The following AGBL1 variants were observed in gnomAD, a reference collection of about 807,000 sequenced individuals.
AGBL1 encodes the protein AGBL carboxypeptidase 1.
AGBL1 carries 130 observed loss-of-function variants against 118.9 expected under a neutral mutation model. That is an observed-to-expected ratio of 1.09 (90% CI 0.95 to 1.26). The LOEUF is 1.26. AGBL1 is among the 50% of genes most tolerant of loss of function. AGBL1 has a pLI of 0.00. For missense variants in AGBL1, 1,584 were observed against 1,298.1 expected, an observed-to-expected ratio of 1.22 and a Z score of -3.38; for synonymous variants, 555 against 478.9, an observed-to-expected ratio of 1.16 and a Z score of -2.08.
In AGBL1 at chr15:86,589,014, C is replaced by CAT. The variant is rs201819932; in HGVS notation, c.2994+34490_2994+34491dup. ...TTTATGTGTATCTTTTCAGAATCTTCATATATATATATATGTATATATACA... is the reference window on the plus strand; with the variant it reads ...TTTATGTGTATCTTTTCAGAATCTTCATATATATATATATATGTATATATACA... On this transcript the variant is annotated intron_variant, in intron 21 of 22. Transcript: ENST00000614907. Among the ~76,000 whole-genome samples, 942 of 150,670 alleles carry CAT rather than the reference C, an allele frequency of 6.3e-3. 9 individuals carry two copies. Among genetic ancestry groups the CAT allele is most frequent in the Middle Eastern group, 0.017 (5 of 290 alleles).
intron 16 of AGBL1, among the ~76,000 whole-genome samples, chr15:86,294,805 G>T (rs1332949713): frequency 1.3e-5 from 2 of 152,030 alleles, no homozygotes; most frequent in Non-Finnish European, 2.9e-5. Context: ...TTTCTTACAT[G>T]CATAGATTGA....
chr15:86,754,745 A>C (rs1228408488), intron 22 of AGBL1, among the ~76,000 whole-genome samples: 1 of 152,008 alleles, frequency 6.6e-6, no homozygotes, highest in African/African-American at 2.4e-5. Context: ...TCCCTGCATA[A>C]AGTGGTTTCT....
chr15:86,126,240 A>G (rs148541694), intron 1 of AGBL1, among the ~76,000 whole-genome samples: 16 of 152,340 alleles, frequency 1.1e-4, no homozygotes, highest in Non-Finnish European at 2.2e-4. Context: ...GTGAACTATA[A>G]GAAAGATGAA....
intron 23 of AGBL1, among the ~76,000 whole-genome samples, chr15:86,927,087 C>T (rs145975965): frequency 0.013 from 2,009 of 150,812 alleles, 18 homozygotes; most frequent in Non-Finnish European, 0.022. Context: ...TGCAGTGAGC[C>T]GAGTTCATGC....
At chr15:86,252,687 A>C (rs2078835617) in intron 7 of AGBL1, among the ~76,000 whole-genome samples, 1 of 152,164 alleles carries the variant, frequency 6.6e-6, no homozygotes, top group South Asian at 2.1e-4. Flanking sequence ...TGAAAAGTCT[A>C]AGAGAAACAC....
In AGBL1 at chr15:86,349,820, A is replaced by G. The variant is rs549439146; in HGVS notation, c.2375-47546A>G. 2.8e-4 allele frequency among the ~76,000 whole-genome samples: 43 copies of G among 152,348 alleles called. 1 individual carries two copies. The highest frequency in any genetic ancestry group is 9.1e-4 in the Admixed American group (14 of 15,304). On this transcript the variant is annotated intron_variant, in intron 17 of 22. Transcript: ENST00000614907. Reference sequence around the variant, plus strand: ...AAAAGACATAGAAGAAGCATGGCCTATTGGAAAGAGCTCTGGAAGGAAAGA... The same window carrying G: ...AAAAGACATAGAAGAAGCATGGCCTGTTGGAAAGAGCTCTGGAAGGAAAGA...
intron 17 of AGBL1, among the ~76,000 whole-genome samples, chr15:86,369,367 A>C (rs1195894242): frequency 2.0e-5 from 3 of 152,166 alleles, no homozygotes; most frequent in Non-Finnish European, 2.9e-5. Flanking sequence ...TAAATACATA[A>C]ATTTTGTTCA....
chr15:86,419,738 G>A (rs1191277931), intron 18 of AGBL1, among the ~76,000 whole-genome samples: 1 of 152,200 alleles, frequency 6.6e-6, no homozygotes, highest in Non-Finnish European at 1.5e-5. Flanking sequence ...TGCCAGCACA[G>A]CAGTCTGAAG....
intron 23 of AGBL1, among the ~76,000 whole-genome samples, chr15:86,959,005 T>G (rs1437729693): frequency 1.3e-5 from 2 of 152,126 alleles, no homozygotes; most frequent in South Asian, 2.1e-4. Context: ...ATACTGTTTA[T>G]AGTTGCCTAC....
rs1343002821 is a variant in AGBL1, at chr15:86,722,081, C to T, written c.3158+47645C>T. Among the ~76,000 whole-genome samples, 6 of 152,126 alleles carry T rather than the reference C, an allele frequency of 3.9e-5. No individual in the cohort carries two copies. In the East Asian group the frequency reaches 7.7e-4, roughly 20 times the overall value. ...AATATCGTGAAAATGGCCATACTGC[C>T]CAAGGTAATTTATAGATTCAATGCC... is the stretch of plus-strand genomic sequence containing the variant. On this transcript the variant is annotated intron_variant, in intron 22 of 22. Transcript: ENST00000614907.
At chr15:86,194,502 G>A (rs2077769895) in intron 5 of AGBL1, among the ~76,000 whole-genome samples, 1 of 152,090 alleles carries the variant, frequency 6.6e-6, no homozygotes, top group Non-Finnish European at 1.5e-5. Context: ...TGTACTTCAG[G>A]ATTTCCATGA....
chr15:86,303,801 A>G (rs758094635), intron 17 of AGBL1, among the ~76,000 whole-genome samples: 2 of 152,194 alleles, frequency 1.3e-5, no homozygotes, highest in East Asian at 1.9e-4. Context: ...AATGATTTGC[A>G]TATTTCAAGG....
At chr15:86,374,463 G>C (rs766359013) in intron 17 of AGBL1, among the ~76,000 whole-genome samples, 5 of 152,190 alleles carry the variant, frequency 3.3e-5, no homozygotes, top group African/African-American at 4.8e-5. Context: ...TGGGGCATGT[G>C]ACTTGTCTTG....
chr15:86,866,040 C>T (rs577103719), intron 22 of AGBL1, among the ~76,000 whole-genome samples: 1 of 152,312 alleles, frequency 6.6e-6, no homozygotes, highest in South Asian at 2.1e-4. Flanking sequence ...TTCCCTTCCC[C>T]CCAAGTTGCA....
intron 22 of AGBL1, among the ~76,000 whole-genome samples, chr15:86,751,081 A>C (rs1298074759): frequency 6.6e-6 from 1 of 152,120 alleles, no homozygotes; most frequent in African/African-American, 2.4e-5. Context: ...CACTATTGTG[A>C]ATAGTGCTGC....
intron 23 of AGBL1, among the ~76,000 whole-genome samples, chr15:86,943,897 C>T (rs2141658577): frequency 6.6e-6 from 1 of 152,264 alleles, no homozygotes; most frequent in Admixed American, 6.5e-5. Context: ...AGCCCATTGG[C>T]CAGGAGCAGC....
chr15:86,840,231 C>T (rs889721731), intron 22 of AGBL1, among the ~76,000 whole-genome samples: 1 of 152,182 alleles, frequency 6.6e-6, no homozygotes, highest in African/African-American at 2.4e-5. Flanking sequence ...TCTCTTAACA[C>T]TTTAACTAGA....
chr15:86,927,979 T>A (rs2080563136), intron 23 of AGBL1, among the ~76,000 whole-genome samples: 1 of 152,136 alleles, frequency 6.6e-6, no homozygotes, highest in African/African-American at 2.4e-5. Context: ...TGTGAGCATG[T>A]GTGTATATAT....
At chr15:86,530,445 C>A (rs1487837531) in intron 19 of AGBL1, among the ~76,000 whole-genome samples, 3 of 135,064 alleles carry the variant, frequency 2.2e-5, no homozygotes, top group South Asian at 2.5e-4. Flanking sequence ...ACAGGAGCAC[C>A]CAGATTCATA....
Sources: gnomAD v4.1 joint callset for allele counts (sites outside exome capture counted in the v4.1 genomes callset) on GRCh38, gnomAD v4.1.1 for gene constraint, MANE v1.5 for transcripts, NCBI Gene and HGNC (gene_info 2026-07-23, HGNC 2026-07-21) for gene names.